RNF103: variants seen among roughly 807,000 people sequenced by gnomAD.
RNF103 encodes ring finger protein 103, also known as E3 ubiquitin-protein ligase RNF103.
Under a neutral mutation model 66.2 loss-of-function variants are expected in RNF103, and 23 were observed. That is an observed-to-expected ratio of 0.35 (90% confidence interval 0.25 to 0.49). The LOEUF (loss-of-function observed/expected upper bound fraction) is 0.49. Among genes scored for constraint, RNF103 ranks in the 20% least tolerant of loss-of-function variants. The pLI is 0.98. For synonymous variants in RNF103, 297 were observed against 289.9 expected (o/e 1.02, Z -0.25); for missense variants, 730 against 814.7 (o/e 0.90, Z 1.27).
At chr2:86,614,795 A>G in intron 2 of RNF103, 19 of 981,156 alleles carry the variant, frequency 1.9e-5, no homozygotes, top group Non-Finnish European at 2.3e-5. Context: ...AAGATTAAGA[A>G]GTATCTGTGC....
At chr2:86,615,207 C>T (rs1335638777) in intron 2 of RNF103, 37 of 985,222 alleles carry the variant, frequency 3.8e-5, no homozygotes, top group Non-Finnish European at 4.0e-5. Flanking sequence ...TATTCAGCAA[C>T]GTGTTCTAGC....
chr2:86,623,084 G>GGAC lies in RNF103; in HGVS notation c.-201_-199dup. The GGAC allele has an allele frequency of 4.6e-6, 6 of 1,291,082 alleles. No individual in the cohort carries two copies. Among genetic ancestry groups the GGAC allele is most frequent in the Non-Finnish European group, 5.9e-6 (6 of 1,024,962 alleles). The allele number at this position is 1,291,082 out of a possible 1,614,324, so 80.0% of individuals were successfully genotyped here. On this transcript the variant is annotated 5_prime_UTR_variant, in exon 1 of 4. Transcript: ENST00000237455. ...CGCGCGGGCGCGAGGCGGCGACGAG[G>GGAC]GACGCAGAGACGCAGAGCCTCGCGC... is the stretch of plus-strand genomic sequence containing the variant.
chr2:86,623,492 C>G lies in RNF103; in HGVS notation c.-606G>C. 1 of 983,070 alleles carries G rather than the reference C, an allele frequency of 1.0e-6. No individual in the cohort carries two copies. The highest frequency in any genetic ancestry group is 1.2e-6 in the Non-Finnish European group (1 of 829,142). The allele number at this position is 983,070 out of a possible 1,614,324, so 60.9% of individuals were successfully genotyped here. A position where few individuals can be genotyped will look rare whatever the true frequency, so the allele number is the denominator to read the frequency against. On this transcript the variant is annotated 5_prime_UTR_variant, in exon 1 of 4. Coordinates refer to ENST00000237455, the MANE Select transcript of RNF103 (RefSeq NM_005667.4). ...CCGCCGCAACGCCGCGCCCGAAGCCCAGGCCCCAGGCCCCGCCGACCGCCC... is the reference window on the plus strand; with the variant it reads ...CCGCCGCAACGCCGCGCCCGAAGCCGAGGCCCCAGGCCCCGCCGACCGCCC...
intron 3 of RNF103, 29 bp downstream of exon 3, chr2:86,612,130 A>G: frequency 6.8e-7 from 1 of 1,478,336 alleles, no homozygotes; most frequent in Non-Finnish European, 9.4e-7. Context: ...GTCAGGACTC[A>G]AATTCTAAGA....
chr2:86,622,531 G>C, intron 1 of RNF103, 130 bp downstream of exon 1: 1 of 842,706 alleles, frequency 1.2e-6, no homozygotes, highest in Non-Finnish European at 1.9e-6. Flanking sequence ...AGGAAGCTTG[G>C]ACGAAGAAAC....
rs1678449319 is a variant in RNF103 at position 86,604,096 on chromosome 2, T to C, written c.1805A>G (p.Glu602Gly). The change falls in exon 4 of 4, where the codon GAA becomes GGA. Residue 602 changes from glutamate to glycine, a missense_variant. Around this residue, in one of 3 missense-constraint regions of RNF103, gnomAD observed 355 missense variants for 351.9 expected, o/e 1.01. Transcript: ENST00000237455. ...AGTTAACCAATCAGGTTCCATATCTTCATTAGTGTTATATGATCCATATGA... is the reference window on the plus strand; with the variant it reads ...AGTTAACCAATCAGGTTCCATATCTCCATTAGTGTTATATGATCCATATGA... ...GRSYGSYNTN[E>G]DMEPDWLTWP... is the part of the protein sequence containing the mutation. 1 of 1,613,544 alleles carries C rather than the reference T, an allele frequency of 6.2e-7. No homozygotes were observed. Among genetic ancestry groups the C allele is most frequent in the Non-Finnish European group, 8.5e-7 (1 of 1,180,044 alleles).
intron 2 of RNF103, chr2:86,617,518 T>C: frequency 2.0e-6 from 1 of 496,116 alleles, no homozygotes; most frequent in Non-Finnish European, 2.6e-6. Flanking sequence ...TTATCACAGG[T>C]ATGTATGTAT....
At chr2:86,615,648 A>G (rs970698032) in intron 2 of RNF103, among the ~76,000 whole-genome samples, 2 of 151,960 alleles carry the variant, frequency 1.3e-5, no homozygotes, top group Non-Finnish European at 2.9e-5. Flanking sequence ...GGCTGGTCTC[A>G]TTAAAAGGGG....
In RNF103 at chr2:86,622,893, TG is replaced by T; in HGVS notation, c.-8del. Reference sequence around the variant, plus strand: ...AAAAAAGCTTCAGCCACATCTTCCCTGGAGTTTCCTCTCTTTCCAGAGAGCT... The same window carrying T: ...AAAAAAGCTTCAGCCACATCTTCCCTGAGTTTCCTCTCTTTCCAGAGAGCT... On this transcript the variant is annotated 5_prime_UTR_variant, in exon 1 of 4. Transcript: ENST00000237455. 6.3e-7 allele frequency: 1 copy of T among 1,587,262 alleles called. No homozygotes were observed. The highest frequency in any genetic ancestry group is 8.6e-7 in the Non-Finnish European group (1 of 1,166,422).
intron 2 of RNF103, chr2:86,615,061 T>C (rs1009749144): frequency 4.1e-6 from 4 of 985,234 alleles, no homozygotes; most frequent in Non-Finnish European, 4.8e-6. Flanking sequence ...GCTCCAATGT[T>C]AGGAAAAGAA....
intron 2 of RNF103, 145 bp downstream of exon 2, chr2:86,620,185 T>A: frequency 9.4e-7 from 1 of 1,061,620 alleles, no homozygotes; most frequent in Non-Finnish European, 1.2e-6. Flanking sequence ...TTTAAGAAGA[T>A]ACTGGAGCCT....
intron 3 of RNF103, among the ~76,000 whole-genome samples, chr2:86,605,819 G>C (rs1198895712): frequency 3.3e-5 from 5 of 152,166 alleles, no homozygotes; most frequent in African/African-American, 1.2e-4. Context: ...TAATGCAAAA[G>C]AAGTTCAAAG....
At chr2:86,608,801 TAC>T (rs1453372470) in intron 3 of RNF103, among the ~76,000 whole-genome samples, 1 of 151,952 alleles carries the variant, frequency 6.6e-6, no homozygotes, top group Non-Finnish European at 1.5e-5. Flanking sequence ...TCAAAAAAAG[TAC>T]AGAGTATGAA....
Position 86,603,943 on chromosome 2 carries a change from GCCAA to G in RNF103, c.1954_1957del (p.Ala653GlyfsTer43), listed in dbSNP as rs1383621751. ...AACAGGGCAACAATGTCGGCCCCCA[GCCAA>G]CCACATCACAATGCAATTCTGATGA... On this transcript the variant is annotated frameshift_variant, in exon 4 of 4. Coordinates refer to ENST00000237455, the MANE Select transcript of RNF103 (RefSeq NM_005667.4). LOFTEE classifies it high-confidence loss of function. 1 of 1,613,916 alleles carries G rather than the reference GCCAA, an allele frequency of 6.2e-7. No individual in the cohort carries two copies. Among genetic ancestry groups the G allele is most frequent in the Non-Finnish European group, 8.5e-7 (1 of 1,180,030 alleles).
Position 86,623,197 on chromosome 2 carries a change from G to T in RNF103, c.-311C>A. 9.7e-7 allele frequency: 1 copy of T among 1,035,196 alleles called. No individual in the cohort carries two copies. Among genetic ancestry groups the T allele is most frequent in the Non-Finnish European group, 1.2e-6 (1 of 864,270 alleles). 64.1% of individuals were successfully genotyped at this position (1,035,196 alleles called of 1,614,324 possible). On this transcript the variant is annotated 5_prime_UTR_variant, in exon 1 of 4. Transcript: ENST00000237455. ...AGCACAGAAAGGAGAGGGGCGCGGGGAGAGCTCGCGGGGAAGAACAAAACG... is the reference window on the plus strand; with the variant it reads ...AGCACAGAAAGGAGAGGGGCGCGGGTAGAGCTCGCGGGGAAGAACAAAACG...
chr2:86,618,292 G>T, intron 2 of RNF103: 1 of 202,464 alleles, frequency 4.9e-6, no homozygotes, highest in Non-Finnish European at 1.0e-5. Context: ...ACTAACTGAT[G>T]TTATATTAAA....
intron 3 of RNF103, among the ~76,000 whole-genome samples, chr2:86,608,416 G>T (rs1254312617): frequency 6.6e-6 from 1 of 150,400 alleles, no homozygotes; most frequent in Non-Finnish European, 1.5e-5. Flanking sequence ...GAACCCAGTA[G>T]GCTGAGGTTG....
At chr2:86,616,896 T>G in intron 2 of RNF103, 1 of 985,468 alleles carries the variant, frequency 1.0e-6, no homozygotes, top group African/African-American at 1.7e-5. Context: ...CTATCCACTG[T>G]GCCATCTGCC....
At chr2:86,620,044 C>G (rs1043954949) in intron 2 of RNF103, among the ~76,000 whole-genome samples, 1 of 152,180 alleles carries the variant, frequency 6.6e-6, no homozygotes, top group African/African-American at 2.4e-5. Flanking sequence ...ATGTGTATTT[C>G]TCAATTCAAC....
Sources: gnomAD v4.1 joint callset for allele counts (sites outside exome capture counted in the v4.1 genomes callset) on GRCh38, gnomAD v4.1.1 for gene constraint, gnomAD v4.1.1 regional missense constraint, MANE v1.5 for transcripts, NCBI Gene and HGNC (gene_info 2026-07-23, HGNC 2026-07-21) for gene names.